PHF12: variants seen among roughly 807,000 people sequenced by gnomAD.
The protein encoded by PHF12 is PHD factor 1.
PHF12 carries 6 observed loss-of-function variants against 99.8 expected under a neutral mutation model. The observed-to-expected ratio is 0.06, with a 90% CI of 0.03 to 0.12. The LOEUF (loss-of-function observed/expected upper bound fraction) is 0.12, where lower values mean the gene tolerates loss of function less well. Ranked by LOEUF, PHF12 falls within the 10% of genes least tolerant of loss-of-function variation. The probability of loss-of-function intolerance (pLI) is 1.00; values close to 1 mark genes in which losing one functional copy is unlikely to be tolerated. For missense variants in PHF12, 954 were observed against 1,300.1 expected (o/e 0.73, Z 4.09); for synonymous variants, 480 against 514.9 (o/e 0.93, Z 0.92).
At position 28,950,461 on chromosome 17, in the gene PHF12, A is replaced by G; in HGVS notation, c.67-215T>C. The G allele has an allele frequency of 1.7e-6, 1 of 581,904 alleles. No individual in the cohort carries two copies. Among genetic ancestry groups the G allele is most frequent in the South Asian group, 2.1e-5 (1 of 47,092 alleles). 36.0% of individuals were successfully genotyped at this position (581,904 alleles called of 1,614,324 possible). A position where few individuals can be genotyped will look rare whatever the true frequency, so the allele number is the denominator to read the frequency against. ...ACAACAACGAGAACAGCTTCTTCCAAATGGGGAGGATCAAGGGTAGGGGGA... is the reference window on the plus strand; with the variant it reads ...ACAACAACGAGAACAGCTTCTTCCAGATGGGGAGGATCAAGGGTAGGGGGA... On this transcript the variant is annotated intron_variant, in intron 1 of 14. Transcript: ENST00000332830. The surrounding 1 kb of genome is among the most constrained non-coding windows in gnomAD (Gnocchi z 5.7).
intron 2 of PHF12, among the ~76,000 whole-genome samples, chr17:28,942,363 A>C (rs1317643545): frequency 6.6e-6 from 1 of 152,024 alleles, no homozygotes; most frequent in African/African-American, 2.4e-5. Flanking sequence ...CTACAAAAAA[A>C]GGAAAAAATT....
intron 6 of PHF12, 55 bp from the exon 7 acceptor site, chr17:28,917,504 C>G (rs1242576479): frequency 6.5e-7 from 1 of 1,526,804 alleles, no homozygotes; most frequent in Non-Finnish European, 8.8e-7. Context: ...ACCTCCTATC[C>G]CAGTTAACCC....
At position 28,910,232 on chromosome 17, in the gene PHF12, T is replaced by C. The variant is rs1319915994; in HGVS notation, c.2353A>G (p.Ile785Val). 6.8e-6 allele frequency: 11 copies of C among 1,614,098 alleles called. No homozygotes were observed. Among genetic ancestry groups the C allele is most frequent in the South Asian group, 1.1e-5 (1 of 91,078 alleles). The change falls in exon 11 of 15, where the codon ATA (isoleucine) becomes GTA (valine). Residue 785 changes from isoleucine (I) to valine (V), a missense_variant. Physicochemically the swap from Ile to Val is conservative, Grantham distance 29. This residue lies in a region of PHF12 where 143 missense variants were observed against 191.8 expected (regional missense o/e 0.75). Coordinates refer to ENST00000332830, the MANE Select transcript of PHF12 (RefSeq NM_001033561.2). ...THQLASGGHHIEVQRKEVQAR... is the reference protein window; with the variant it reads ...THQLASGGHHVEVQRKEVQAR... ...CAGGTGTGTACATGCGCACCTTCTATGTGGTGCCCTCCAGAAGCCAGCTGA... is the reference window on the plus strand; with the variant it reads ...CAGGTGTGTACATGCGCACCTTCTACGTGGTGCCCTCCAGAAGCCAGCTGA...
At chr17:28,946,523 G>A (rs868406103) in intron 2 of PHF12, among the ~76,000 whole-genome samples, 3 of 152,232 alleles carry the variant, frequency 2.0e-5, no homozygotes, top group South Asian at 2.1e-4. Flanking sequence ...TACCAAGCCC[G>A]GGAGGTAAAG....
intron 3 of PHF12, chr17:28,925,493 G>C (rs2040254957): frequency 6.6e-6 from 1 of 152,326 alleles, no homozygotes; most frequent in African/African-American, 2.4e-5. Context: ...TGCTGGTGAT[G>C]GTGGAAAAGG....
chr17:28,921,034 C>T (rs528810150), intron 5 of PHF12, among the ~76,000 whole-genome samples: 3 of 151,592 alleles, frequency 2.0e-5, no homozygotes, highest in African/African-American at 4.8e-5. Context: ...CCACCATGCC[C>T]GGCTAATTTT....
intron 2 of PHF12, among the ~76,000 whole-genome samples, chr17:28,932,550 A>G (rs2040432454): frequency 6.6e-6 from 1 of 152,194 alleles, no homozygotes; most frequent in Non-Finnish European, 1.5e-5. Flanking sequence ...TATCAGAAAT[A>G]CTGCTGACAG....
intron 5 of PHF12, among the ~76,000 whole-genome samples, chr17:28,919,948 T>C (rs1426591168): frequency 6.6e-6 from 1 of 152,192 alleles, no homozygotes; most frequent in East Asian, 1.9e-4. Flanking sequence ...TGCTCTGATC[T>C]TCCTACTTCT....
Position 28,950,880 on chromosome 17 carries a change from G to A in PHF12, c.66+15C>T, listed in dbSNP as rs1441051921. 1.9e-6 allele frequency: 3 copies of A among 1,612,196 alleles called. No individual in the cohort carries two copies. The highest frequency in any genetic ancestry group is 1.1e-5 in the South Asian group (1 of 90,938). On this transcript the variant is annotated intron_variant, in intron 1 of 14. Transcript: ENST00000332830. The surrounding 1 kb of genome is among the most constrained non-coding windows in gnomAD (Gnocchi z 5.7). Reference sequence around the variant, plus strand: ...CCCGGCGCTGGAGGAAGGAGATGAGGAGGGCCACTCTTACCTCCATCAGCC... The same window carrying A: ...CCCGGCGCTGGAGGAAGGAGATGAGAAGGGCCACTCTTACCTCCATCAGCC...
chr17:28,905,789 A>G lies in PHF12; in HGVS notation c.*394T>C. On this transcript the variant is annotated 3_prime_UTR_variant, in exon 15 of 15. Coordinates refer to ENST00000332830, the MANE Select transcript of PHF12 (RefSeq NM_001033561.2). ...GTATTTTTTCTTTTAATATAAAACT[A>G]TTGTCACTGCCACAAAATAGAACAA... is the stretch of plus-strand genomic sequence containing the variant. 1 of 165,648 alleles carries G rather than the reference A, an allele frequency of 6.0e-6. No homozygotes were observed. Among genetic ancestry groups the G allele is most frequent in the Non-Finnish European group, 1.3e-5 (1 of 77,198 alleles). 10.3% of individuals were successfully genotyped at this position (165,648 alleles called of 1,614,324 possible). A position where few individuals can be genotyped will look rare whatever the true frequency, so the allele number is the denominator to read the frequency against.
At chr17:28,910,575 T>C (rs1218155755) in intron 10 of PHF12, 2 of 625,274 alleles carry the variant, frequency 3.2e-6, no homozygotes, top group Non-Finnish European at 2.7e-6. Context: ...CAATGCAGCC[T>C]GTGCAGCTGC....
chr17:28,910,036 C>G, intron 11 of PHF12, 190 bp downstream of exon 11: 2 of 826,580 alleles, frequency 2.4e-6, no homozygotes, highest in Non-Finnish European at 4.0e-6. Context: ...CAAGTCTGAT[C>G]AGAAAGCTGT....
chr17:28,915,839 G>A (rs1436114004), intron 7 of PHF12, among the ~76,000 whole-genome samples: 3 of 152,186 alleles, frequency 2.0e-5, no homozygotes, highest in East Asian at 1.9e-4. Context: ...AAAATGCTTT[G>A]CAGGTAACTC....
At chr17:28,935,773 G>A (rs1422040838) in intron 2 of PHF12, among the ~76,000 whole-genome samples, 2 of 152,076 alleles carry the variant, frequency 1.3e-5, no homozygotes, top group Non-Finnish European at 2.9e-5. Flanking sequence ...AATTCCTAAA[G>A]CCAACCTCTT....
intron 2 of PHF12, among the ~76,000 whole-genome samples, chr17:28,939,535 A>G (rs1459662799): frequency 6.6e-6 from 1 of 152,264 alleles, no homozygotes; most frequent in African/African-American, 2.4e-5. Flanking sequence ...ATGATGGTTT[A>G]GTGAACGTGG....
Position 28,949,834 on chromosome 17 carries a change from T to G in PHF12, c.248+231A>C, listed in dbSNP as rs1046908298. 1 of 518,086 alleles carries G rather than the reference T, an allele frequency of 1.9e-6. No homozygotes were observed. Among genetic ancestry groups the G allele is most frequent in the Non-Finnish European group, 3.4e-6 (1 of 292,724 alleles). The allele number at this position is 518,086 out of a possible 1,614,324, so 32.1% of individuals were successfully genotyped here. On this transcript the variant is annotated intron_variant, in intron 2 of 14. Coordinates refer to ENST00000332830, the MANE Select transcript of PHF12 (RefSeq NM_001033561.2). The surrounding 1 kb of genome is among the most constrained non-coding windows in gnomAD (Gnocchi z 4.6). ...ACTTCCAATCCCATATGGGGTTCTCTTCACTCGTCCCAACCCCCACCTCGG... is the reference window on the plus strand; with the variant it reads ...ACTTCCAATCCCATATGGGGTTCTCGTCACTCGTCCCAACCCCCACCTCGG...
rs772007556 is a variant in PHF12 at position 28,950,376 on chromosome 17, TC to T, written c.67-131del. The T allele has an allele frequency of 1.1e-4, 110 of 1,047,394 alleles. No individual in the cohort carries two copies. In the South Asian group the frequency reaches 1.3e-3, roughly 12 times the overall value. The allele number at this position is 1,047,394 out of a possible 1,614,324, so 64.9% of individuals were successfully genotyped here. A position where few individuals can be genotyped will look rare whatever the true frequency, so the allele number is the denominator to read the frequency against. ...TCCTTCTTCCTCCCATCCAGGCTGC[TC>T]CCAGAATCTCTCAGCCCCCGGAACC... On this transcript the variant is annotated intron_variant, in intron 1 of 14. Coordinates refer to ENST00000332830, the MANE Select transcript of PHF12 (RefSeq NM_001033561.2). This position sits in a 1 kb window ranked among gnomAD's most constrained non-coding sequence, Gnocchi z 5.7.
rs115757954 is a variant in PHF12 at position 28,915,071 on chromosome 17, T to C, written c.1135-1034A>G. 9.1e-4 allele frequency among the ~76,000 whole-genome samples: 139 copies of C among 152,290 alleles called. 1 individual carries two copies. Among genetic ancestry groups the C allele is most frequent in the Middle Eastern group, 3.4e-3 (1 of 294 alleles). ...CATGTCTAAGGTGCTATTAAAAACATAGTGCTTATTTTAGTTTGGGGGACA... is the reference window on the plus strand; with the variant it reads ...CATGTCTAAGGTGCTATTAAAAACACAGTGCTTATTTTAGTTTGGGGGACA... On this transcript the variant is annotated intron_variant, in intron 7 of 14. Transcript: ENST00000332830.
chr17:28,927,175 C>T, intron 2 of PHF12, 112 bp from the exon 3 acceptor site: 1 of 931,072 alleles, frequency 1.1e-6, no homozygotes, highest in Non-Finnish European at 1.6e-6. Context: ...TCCTGCAGGA[C>T]TGCTAGGGTT....
Sources: gnomAD v4.1 joint callset for allele counts (sites outside exome capture counted in the v4.1 genomes callset) on GRCh38, gnomAD v4.1.1 for gene constraint, gnomAD v4.1.1 regional missense constraint, Gnocchi (gnomAD v3.1) non-coding constraint, MANE v1.5 for transcripts, NCBI Gene and HGNC (gene_info 2026-07-23, HGNC 2026-07-21) for gene names.